The following SLC25A26 variants were observed in gnomAD, a reference collection of about 807,000 sequenced individuals.
SLC25A26 encodes mitochondrial S-adenosylmethionine carrier protein.
In SLC25A26, 36 loss-of-function variants were observed where a neutral mutation model predicts 37.8. The ratio of observed to expected loss-of-function variants is 0.95; its 90% confidence interval spans 0.73 to 1.26. The LOEUF (loss-of-function observed/expected upper bound fraction) is 1.26. SLC25A26 is among the 50% of genes most tolerant of loss of function. The pLI is 0.00. For synonymous variants in SLC25A26, 129 were observed against 122.5 expected, an observed-to-expected ratio of 1.05 and a Z score of -0.35; for missense variants, 390 against 331.1, an observed-to-expected ratio of 1.18 and a Z score of -1.38.
intron 2 of SLC25A26, among the ~76,000 whole-genome samples, chr3:66,240,618 G>A (rs2072530081): frequency 6.6e-6 from 1 of 151,914 alleles, no homozygotes; most frequent in Admixed American, 6.5e-5. Flanking sequence ...TATGAATGAT[G>A]TGCTATATGG....
intron 1 of SLC25A26, among the ~76,000 whole-genome samples, chr3:66,188,802 C>T (rs1276407849): frequency 6.6e-6 from 1 of 151,982 alleles, no homozygotes; most frequent in African/African-American, 2.4e-5. Flanking sequence ...ATCTGACTCC[C>T]TTACTCTTCA....
intron 1 of SLC25A26, among the ~76,000 whole-genome samples, chr3:66,236,031 C>A (rs782525951): frequency 6.6e-6 from 1 of 152,114 alleles, no homozygotes; most frequent in Non-Finnish European, 1.5e-5. Flanking sequence ...TGTTCCTCAG[C>A]CTTCCAAGTA....
chr3:66,161,536 G>A (rs149395156), intron 1 of SLC25A26, among the ~76,000 whole-genome samples: 91 of 152,250 alleles, frequency 6.0e-4, no homozygotes, highest in African/African-American at 2.0e-3. Flanking sequence ...GGAAATGTTC[G>A]GAATCTGTGA....
At chr3:66,221,301 G>A (rs2071482185) in intron 1 of SLC25A26, 174 bp downstream of exon 1, 2 of 244,304 alleles carry the variant, frequency 8.2e-6, no homozygotes, top group African/African-American at 2.3e-5. Context: ...CGGGCCAGGT[G>A]TTAAGGCTAT....
intron 1 of SLC25A26, among the ~76,000 whole-genome samples, chr3:66,209,735 G>T (rs1160176297): frequency 1.6e-5 from 2 of 127,704 alleles, no homozygotes; most frequent in Non-Finnish European, 3.3e-5. Context: ...GGTATATATT[G>T]GTATGGATAT....
chr3:66,369,630 G>A lies in SLC25A26; in HGVS notation c.633+88G>A, dbSNP rs1575619738. Reference sequence around the variant, plus strand: ...ACAGGTGTATAAAGTGAACACAAATGGCTACCATTTACCTGTAATAGCATC... The same window carrying A: ...ACAGGTGTATAAAGTGAACACAAATAGCTACCATTTACCTGTAATAGCATC... On this transcript the variant is annotated intron_variant, in intron 8 of 9. Transcript: ENST00000354883. The A allele has an allele frequency of 6.9e-6, 8 of 1,162,796 alleles. No homozygotes were observed. The East Asian group carries it at 1.8e-4, about 27-fold the overall frequency. 72.0% of individuals were successfully genotyped at this position (1,162,796 alleles called of 1,614,324 possible).
upstream of SLC25A26, among the ~76,000 whole-genome samples, chr3:66,216,291 C>T (rs1202290534): frequency 1.3e-5 from 2 of 152,212 alleles, no homozygotes; most frequent in African/African-American, 4.8e-5. Context: ...GTGGGTGGAT[C>T]GCTTGAGCTC....
intron 1 of SLC25A26, among the ~76,000 whole-genome samples, chr3:66,203,035 A>G (rs2071130275): frequency 6.6e-6 from 1 of 152,194 alleles, no homozygotes; most frequent in Admixed American, 6.6e-5. Context: ...TAATTCGTAA[A>G]GATTTAATAT....
At chr3:66,273,854 C>T (rs1408876511) in intron 5 of SLC25A26, among the ~76,000 whole-genome samples, 5 of 152,096 alleles carry the variant, frequency 3.3e-5, no homozygotes, top group Non-Finnish European at 5.9e-5. Flanking sequence ...AATGCCATCC[C>T]CATCAAGCTA....
chr3:66,346,494 G>A, intron 6 of SLC25A26, 86 bp downstream of exon 6: 2 of 527,068 alleles, frequency 3.8e-6, no homozygotes, highest in South Asian at 5.0e-5. Context: ...ACATAATGTT[G>A]ACTAGAAGTT....
intron 1 of SLC25A26, among the ~76,000 whole-genome samples, chr3:66,208,851 T>C (rs1437227149): frequency 2.0e-5 from 2 of 98,894 alleles, no homozygotes; most frequent in East Asian, 2.7e-4. Flanking sequence ...TATATATATA[T>C]ACCTTTATAT....
At chr3:66,166,650 T>G (rs1224270786) in intron 1 of SLC25A26, among the ~76,000 whole-genome samples, 1 of 152,196 alleles carries the variant, frequency 6.6e-6, no homozygotes, top group Non-Finnish European at 1.5e-5. Context: ...CTAACCATAT[T>G]GGCACTGTCT....
chr3:66,233,701 C>CT (rs1421478995), intron 1 of SLC25A26, among the ~76,000 whole-genome samples: 4 of 151,626 alleles, frequency 2.6e-5, no homozygotes, highest in East Asian at 1.9e-4. Flanking sequence ...AGCTGTTTTT[C>CT]TTTTTTTTCA....
chr3:66,349,715 C>T (rs866758291), intron 6 of SLC25A26, among the ~76,000 whole-genome samples: 30 of 152,182 alleles, frequency 2.0e-4, no homozygotes, highest in African/African-American at 4.8e-4. Context: ...GGGTCAGAGG[C>T]CAGGAGTAGC....
intron 5 of SLC25A26, among the ~76,000 whole-genome samples, chr3:66,288,271 T>C (rs2074581161): frequency 1.3e-5 from 2 of 152,100 alleles, no homozygotes; most frequent in Admixed American, 1.3e-4. Flanking sequence ...TTAGACAACT[T>C]AGAAAAAGGA....
intron 1 of SLC25A26, among the ~76,000 whole-genome samples, chr3:66,188,692 A>G (rs1229634670): frequency 6.6e-6 from 1 of 152,008 alleles, no homozygotes; most frequent in Non-Finnish European, 1.5e-5. Flanking sequence ...TTTATAAATT[A>G]CCCAGCCCTC....
chr3:66,254,717 C>T (rs1469052921), intron 3 of SLC25A26, among the ~76,000 whole-genome samples: 2 of 152,248 alleles, frequency 1.3e-5, no homozygotes, highest in Non-Finnish European at 2.9e-5. Context: ...AGCTCTCTGA[C>T]CTTCAGCAAC....
chr3:66,334,126 A>G (rs1288477183), intron 5 of SLC25A26, among the ~76,000 whole-genome samples: 1 of 152,200 alleles, frequency 6.6e-6, no homozygotes. Context: ...GAAGACCTAT[A>G]GGAGTGATAT....
At position 66,271,069 on chromosome 3, in the gene SLC25A26, A is replaced by G. The variant is rs1306844027; in HGVS notation, c.453+7690A>G. 2.6e-5 allele frequency among the ~76,000 whole-genome samples: 4 copies of G among 152,174 alleles called. No individual in the cohort carries two copies. The South Asian group carries it at 6.2e-4, about 24-fold the overall frequency. ...CTTCACTGTAAACACATTGGAAGCT[A>G]TTGGATACAGGTGGAAATTATCTGT... On this transcript the variant is annotated intron_variant, in intron 5 of 9. Coordinates refer to ENST00000354883, the MANE Select transcript of SLC25A26 (RefSeq NM_001379210.1).
Sources: gnomAD v4.1 joint callset for allele counts (sites outside exome capture counted in the v4.1 genomes callset) on GRCh38, gnomAD v4.1.1 for gene constraint, MANE v1.5 for transcripts, NCBI Gene and HGNC (gene_info 2026-07-23, HGNC 2026-07-21) for gene names.